Variants in IL1RL1 observed in about 807,000 individuals in gnomAD.
IL1RL1 encodes interleukin-1 receptor-like 1.
A neutral mutation model predicts 50.9 loss-of-function variants in IL1RL1; 32 were observed. The ratio of observed to expected loss-of-function variants is 0.63; its 90% CI spans 0.47 to 0.84. The LOEUF (loss-of-function observed/expected upper bound fraction) is 0.84. Ranked by LOEUF, IL1RL1 falls within the 40% of genes least tolerant of loss-of-function variation. The pLI is 0.00. For synonymous variants in IL1RL1, 275 were observed against 236.0 expected (o/e 1.17, Z -1.51); for missense variants, 773 against 662.9 (o/e 1.17, Z -1.82).
intron 1 of IL1RL1, among the ~76,000 whole-genome samples, chr2:102,314,514 G>T (rs748768455): frequency 6.6e-6 from 1 of 152,154 alleles, no homozygotes; most frequent in East Asian, 1.9e-4. Context: ...TTATCAGTTG[G>T]GTGGGTAGTC....
intron 8 of IL1RL1, among the ~76,000 whole-genome samples, chr2:102,346,571 C>T (rs1397515763): frequency 2.0e-5 from 3 of 152,176 alleles, no homozygotes; most frequent in Non-Finnish European, 4.4e-5. Context: ...TCCCAGCAAT[C>T]CCCACAGGAA....
downstream of IL1RL1, among the ~76,000 whole-genome samples, chr2:102,352,266 C>G (rs1458873718): frequency 2.0e-5 from 3 of 149,282 alleles, no homozygotes; most frequent in African/African-American, 7.4e-5. Context: ...GAATAGCAAA[C>G]TAATCATTCG....
At chr2:102,332,500 C>A (rs1195465546) in intron 1 of IL1RL1, among the ~76,000 whole-genome samples, 1 of 152,162 alleles carries the variant, frequency 6.6e-6, no homozygotes, top group Non-Finnish European at 1.5e-5. Context: ...CAGACCCATG[C>A]TACAATATGA....
At chr2:102,342,046 C>CGTGT (rs67962088) in intron 5 of IL1RL1, among the ~76,000 whole-genome samples, 177 bp from the exon 6 acceptor site, 9,474 of 143,968 alleles carry the variant, frequency 0.066, 332 homozygotes, top group African/African-American at 0.08. Flanking sequence ...CTTTCTGTTT[C>CGTGT]GTGTGTGTGT....
At chr2:102,334,410 C>T (rs1677253110) in intron 1 of IL1RL1, among the ~76,000 whole-genome samples, 2 of 152,002 alleles carry the variant, frequency 1.3e-5, no homozygotes, top group South Asian at 4.1e-4. Context: ...GCACTTTGCC[C>T]ACAGCTACAC....
At chr2:102,330,100 C>T (rs1045622230) in intron 1 of IL1RL1, among the ~76,000 whole-genome samples, 1 of 152,180 alleles carries the variant, frequency 6.6e-6, no homozygotes, top group African/African-American at 2.4e-5. Context: ...AAATGTCCAA[C>T]AATGATAGAC....
intron 1 of IL1RL1, among the ~76,000 whole-genome samples, chr2:102,326,822 C>T (rs938652925): frequency 5.3e-5 from 8 of 152,142 alleles, no homozygotes; most frequent in African/African-American, 1.9e-4. Flanking sequence ...AATATATATG[C>T]ACCCAATACA....
At chr2:102,345,830 C>T (rs968881086) in intron 8 of IL1RL1, 1 of 985,458 alleles carries the variant, frequency 1.0e-6, no homozygotes, top group Non-Finnish European at 1.2e-6. Context: ...TATGTGAGGG[C>T]CATGCTTGGG....
At chr2:102,336,511 C>T (rs1000990252) in intron 1 of IL1RL1, among the ~76,000 whole-genome samples, 2 of 152,174 alleles carry the variant, frequency 1.3e-5, no homozygotes, top group Non-Finnish European at 2.9e-5. Flanking sequence ...GTTGAGTTTA[C>T]TCATGATAGG....
intron 1 of IL1RL1, among the ~76,000 whole-genome samples, chr2:102,332,932 T>A (rs985853919): frequency 6.6e-6 from 1 of 152,164 alleles, no homozygotes; most frequent in African/African-American, 2.4e-5. Context: ...GTAAGTTAGC[T>A]CTTGGAGGAG....
At chr2:102,329,131 C>A (rs1677099226) in intron 1 of IL1RL1, among the ~76,000 whole-genome samples, 1 of 152,058 alleles carries the variant, frequency 6.6e-6, no homozygotes, top group Non-Finnish European at 1.5e-5. Context: ...GTACTTGTAC[C>A]AAAACAGAGA....
chr2:102,338,350 T>C (rs1677409051), intron 2 of IL1RL1, 25 bp downstream of exon 2: 2 of 1,306,648 alleles, frequency 1.5e-6, no homozygotes, highest in Admixed American at 2.0e-5. Context: ...CTAAGTATAA[T>C]TTAAATTTTT....
chr2:102,320,685 A>C (rs1364313057), intron 1 of IL1RL1, among the ~76,000 whole-genome samples: 1 of 152,010 alleles, frequency 6.6e-6, no homozygotes, highest in African/African-American at 2.4e-5. Context: ...CAGGGCCCCA[A>C]ACCTCTCTTG....
intron 1 of IL1RL1, among the ~76,000 whole-genome samples, chr2:102,317,213 G>A (rs1227911175): frequency 6.6e-6 from 1 of 152,014 alleles, no homozygotes; most frequent in Non-Finnish European, 1.5e-5. Flanking sequence ...AATTAACTGG[G>A]CGTGGTGGTG....
At chr2:102,350,505 C>T (rs1002689936) in intron 10 of IL1RL1, among the ~76,000 whole-genome samples, 2 of 152,270 alleles carry the variant, frequency 1.3e-5, no homozygotes, top group Admixed American at 1.3e-4. Flanking sequence ...CCCAACAACA[C>T]CAAACTTCAC....
chr2:102,341,338 A>G (rs1419804742), intron 5 of IL1RL1: 1 of 1,235,438 alleles, frequency 8.1e-7, no homozygotes, highest in Non-Finnish European at 1.0e-6. Flanking sequence ...CAATACTTTC[A>G]ACATCATCAA....
chr2:102,317,233 A>G (rs1186268901), intron 1 of IL1RL1, among the ~76,000 whole-genome samples: 7 of 152,040 alleles, frequency 4.6e-5, no homozygotes, highest in Non-Finnish European at 8.8e-5. Flanking sequence ...GGGCGCCTGT[A>G]GTCCCAGCTA....
chr2:102,323,441 G>T (rs1344679389), intron 1 of IL1RL1, among the ~76,000 whole-genome samples: 2 of 152,004 alleles, frequency 1.3e-5, no homozygotes, highest in Non-Finnish European at 2.9e-5. Flanking sequence ...AATTTATTAA[G>T]AAAAAGTTTA....
intron 5 of IL1RL1, among the ~76,000 whole-genome samples, chr2:102,341,519 C>G (rs962949444): frequency 6.6e-6 from 1 of 152,112 alleles, no homozygotes; most frequent in Non-Finnish European, 1.5e-5. Flanking sequence ...AGCCCCTTTA[C>G]GTATGACAGT....
Sources: gnomAD v4.1 joint callset for allele counts (sites outside exome capture counted in the v4.1 genomes callset) on GRCh38, gnomAD v4.1.1 for gene constraint, MANE v1.5 for transcripts, NCBI Gene and HGNC (gene_info 2026-07-23, HGNC 2026-07-21) for gene names.